The following VAX1 variants were observed in gnomAD, a reference collection of about 807,000 sequenced individuals.
VAX1 encodes ventral anterior homeobox 1.
In VAX1, 6 loss-of-function variants were observed where a neutral mutation model predicts 17.6. The ratio of observed to expected loss-of-function variants is 0.34; its 90% CI spans 0.19 to 0.67. VAX1 has a LOEUF of 0.67. Among genes scored for constraint, VAX1 ranks in the 30% least tolerant of loss-of-function variants. The pLI is 0.69. For missense variants in VAX1, 408 were observed against 463.7 expected (o/e 0.88, Z 1.10); for synonymous variants, 256 against 227.4 (o/e 1.13, Z -1.13).
Position 117,137,755 on chromosome 10 carries a change from C to T in VAX1, c.241+61G>A, listed in dbSNP as rs1156653555. ...CCACCGGCCTGTGTCGGCGGCAGCGCGCAGCTCCGGCCCCGGAGTCGACCC... is the reference window on the plus strand; with the variant it reads ...CCACCGGCCTGTGTCGGCGGCAGCGTGCAGCTCCGGCCCCGGAGTCGACCC... On this transcript the variant is annotated intron_variant, in intron 1 of 2. Transcript: ENST00000369206. The surrounding 1 kb of genome is among the most constrained non-coding windows in gnomAD (Gnocchi z 7.4). The T allele has an allele frequency of 2.4e-5, 39 of 1,604,630 alleles. No individual in the cohort carries two copies. The highest frequency in any genetic ancestry group is 3.2e-5 in the Non-Finnish European group (38 of 1,179,484).
chr10:117,129,177 TG>T (rs1405661744), downstream of VAX1: 1 of 152,272 alleles, frequency 6.6e-6, no homozygotes, highest in Non-Finnish European at 1.5e-5. Flanking sequence ...TGCAGTGTTT[TG>T]GGAGTTTGCC....
Position 117,137,776 on chromosome 10 carries a change from G to A in VAX1, c.241+40C>T. On this transcript the variant is annotated intron_variant, in intron 1 of 2. Transcript: ENST00000369206. This position sits in a 1 kb window ranked among gnomAD's most constrained non-coding sequence, Gnocchi z 7.4. ...AGCGCGCAGCTCCGGCCCCGGAGTC[G>A]ACCCCAAAGAACGCGCCTGGCAGCC... 2 of 1,608,916 alleles carry A rather than the reference G, an allele frequency of 1.2e-6. No individual in the cohort carries two copies. Among genetic ancestry groups the A allele is most frequent in the Non-Finnish European group, 8.5e-7 (1 of 1,179,814 alleles).
In VAX1 at chr10:117,134,735, G is replaced by A. The variant is rs1854149674; in HGVS notation, c.430-152C>T. Among the ~76,000 whole-genome samples the A allele has an allele frequency of 6.6e-6, 1 of 152,050 alleles. No individual in the cohort carries two copies. Among genetic ancestry groups the A allele is most frequent in the Non-Finnish European group, 1.5e-5 (1 of 67,998 alleles). ...CAGCAGCCGGAGGGGTCCGGGCCGG[G>A]GCGCTGCTGGGGGAGCTGGCGCCGC... is the stretch of plus-strand genomic sequence containing the variant. On this transcript the variant is annotated intron_variant, in intron 2 of 2. Coordinates refer to ENST00000369206, the MANE Select transcript of VAX1 (RefSeq NM_001112704.2). This position sits in a 1 kb window ranked among gnomAD's most constrained non-coding sequence, Gnocchi z 6.2.
At chr10:117,131,199 CA>C (rs1854078581), downstream of VAX1, 1 of 153,122 alleles carries the variant, frequency 6.5e-6, no homozygotes, top group Non-Finnish European at 1.5e-5. Flanking sequence ...AGGAGGGAGA[CA>C]GGGGGAACGA....
At position 117,134,386 on chromosome 10, in the gene VAX1, C is replaced by T. The variant is rs1459942469; in HGVS notation, c.627G>A (p.Leu209=). Residue 209 remains leucine (L), a synonymous_variant, in exon 3 of 3, where the codon CTG becomes CTA. Transcript: ENST00000369206. The surrounding 1 kb of genome is among the most constrained non-coding windows in gnomAD (Gnocchi z 6.2). ...CCAGGGCCGGCAAGCTGGGCCCGCGCAGCGCTGAGCCGAGAGCGCCCGTGG... is the reference window on the plus strand; with the variant it reads ...CCAGGGCCGGCAAGCTGGGCCCGCGTAGCGCTGAGCCGAGAGCGCCCGTGG... ...PCATGALGSA[L]RGPSLPALGA... is the part of the protein sequence containing the mutation. 6.6e-6 allele frequency: 9 copies of T among 1,367,716 alleles called. No individual in the cohort carries two copies. The highest frequency in any genetic ancestry group is 8.5e-6 in the Non-Finnish European group (9 of 1,064,164). 84.7% of individuals were successfully genotyped at this position (1,367,716 alleles called of 1,614,324 possible).
chr10:117,135,761 A>G (rs1445271603), intron 2 of VAX1, among the ~76,000 whole-genome samples: 2 of 152,246 alleles, frequency 1.3e-5, no homozygotes, highest in Admixed American at 1.3e-4. Context: ...AAGGGGCATC[A>G]TATGGATTTA....
At chr10:117,131,324 G>A (rs1437764522), downstream of VAX1, 1 of 152,524 alleles carries the variant, frequency 6.6e-6, no homozygotes, top group African/African-American at 2.4e-5. Context: ...GCAAGAGAAA[G>A]TAAGGAGAGG....
chr10:117,137,682 G>A lies in VAX1; in HGVS notation c.241+134C>T, dbSNP rs1854206564. On this transcript the variant is annotated intron_variant, in intron 1 of 2. Transcript: ENST00000369206. The surrounding 1 kb of genome is among the most constrained non-coding windows in gnomAD (Gnocchi z 7.4). ...GCGCTTGTCCCCAGCCGGACTCGGG[G>A]CGGGGAGGGCCAACAACTTTCTCCC... is the stretch of plus-strand genomic sequence containing the variant. 1 of 1,554,280 alleles carries A rather than the reference G, an allele frequency of 6.4e-7. No individual in the cohort carries two copies. Among genetic ancestry groups the A allele is most frequent in the Non-Finnish European group, 8.6e-7 (1 of 1,160,774 alleles).
Position 117,137,565 on chromosome 10 carries a change from G to A in VAX1, c.241+251C>T, listed in dbSNP as rs1186662234. ...CAGCCCGATGCCCGGCCGCACCCGC[G>A]CAGCCCCTCATCTCCCCCCGCAGCC... On this transcript the variant is annotated intron_variant, in intron 1 of 2. Transcript: ENST00000369206. This position sits in a 1 kb window ranked among gnomAD's most constrained non-coding sequence, Gnocchi z 7.4. Among the ~76,000 whole-genome samples, 2 of 152,208 alleles carry A rather than the reference G, an allele frequency of 1.3e-5. No homozygotes were observed. Among genetic ancestry groups the A allele is most frequent in the Admixed American group, 1.3e-4 (2 of 15,290 alleles).
chr10:117,129,577 G>A (rs1397098256), downstream of VAX1: 2 of 152,274 alleles, frequency 1.3e-5, no homozygotes, highest in East Asian at 3.9e-4. Context: ...AAGACACTGT[G>A]TGTCATCATA....
At chr10:117,132,568 C>G, downstream of VAX1, 1 of 1,442,010 alleles carries the variant, frequency 6.9e-7, no homozygotes, top group South Asian at 1.2e-5. The surrounding 1 kb of genome is among the most constrained non-coding windows in gnomAD (Gnocchi z 4.9). Flanking sequence ...GTGTTTTTCG[C>G]TTGCTTCAGA....
rs1169620032 is a variant in VAX1, at chr10:117,133,846, T to G, written c.*162A>C. The G allele has an allele frequency of 7.5e-6, 10 of 1,327,034 alleles. No individual in the cohort carries two copies. The highest frequency in any genetic ancestry group is 2.9e-4 in the Middle Eastern group (1 of 3,508). The allele number at this position is 1,327,034 out of a possible 1,614,324, so 82.2% of individuals were successfully genotyped here. A position where few individuals can be genotyped will look rare whatever the true frequency, so the allele number is the denominator to read the frequency against. The stretch of plus-strand genomic sequence containing the variant: ...TAGTAGAAAAAAAAAATAGCCCGAA[T>G]GAGATGAAATTGGTAGCAGAGTCTA... On this transcript the variant is annotated 3_prime_UTR_variant, in exon 3 of 3. Coordinates refer to ENST00000369206, the MANE Select transcript of VAX1 (RefSeq NM_001112704.2).
In VAX1 at chr10:117,134,127, C is replaced by T. The variant is rs1210672677; in HGVS notation, c.886G>A (p.Ala296Thr). The change falls in exon 3 of 3, where the codon GCT becomes ACT. Residue 296 changes from alanine to threonine, a missense_variant. Physicochemically the swap from Ala to Thr is moderately conservative, Grantham distance 58. This residue lies in a region of VAX1 where 196 missense variants were observed against 218.7 expected (regional missense o/e 0.90). Transcript: ENST00000369206. This position sits in a 1 kb window ranked among gnomAD's most constrained non-coding sequence, Gnocchi z 6.2. ...TGCAAATTCCCAGCTAGCGAACCAG[C>T]CATTGTTAACGGGGCGGAGGACAGG... is the stretch of plus-strand genomic sequence containing the variant. The part of the protein sequence containing the change: ...SRLSSAPLTM[A>T]GSLAGNLQEL... 4 of 1,536,052 alleles carry T rather than the reference C, an allele frequency of 2.6e-6. No individual in the cohort carries two copies. In the African/African-American group the frequency reaches 4.2e-5, roughly 16 times the overall value.
chr10:117,135,187 C>A (rs1226722555), intron 2 of VAX1, among the ~76,000 whole-genome samples: 2 of 152,216 alleles, frequency 1.3e-5, no homozygotes, highest in Non-Finnish European at 2.9e-5. Context: ...CATTAGCTAG[C>A]AGCAAGCAGG....
In VAX1 at chr10:117,136,365, C is replaced by A; in HGVS notation, c.429+107G>T. 7.2e-7 allele frequency: 1 copy of A among 1,386,184 alleles called. No homozygotes were observed. Among genetic ancestry groups the A allele is most frequent in the East Asian group, 2.4e-5 (1 of 41,038 alleles). The allele number at this position is 1,386,184 out of a possible 1,614,324, so 85.9% of individuals were successfully genotyped here. A position where few individuals can be genotyped will look rare whatever the true frequency, so the allele number is the denominator to read the frequency against. On this transcript the variant is annotated intron_variant, in intron 2 of 2. Coordinates refer to ENST00000369206, the MANE Select transcript of VAX1 (RefSeq NM_001112704.2). The surrounding 1 kb of genome is among the most constrained non-coding windows in gnomAD (Gnocchi z 5.0). ...CATCCTTCCCATCTCCTCCACCTCC[C>A]AAGGGTAGTTCTGTCCAGAGCAGGT...
rs1854173512 is a variant in VAX1, at chr10:117,136,092, G to A, written c.429+380C>T. 6.6e-6 allele frequency among the ~76,000 whole-genome samples: 1 copy of A among 152,242 alleles called. No individual in the cohort carries two copies. Among genetic ancestry groups the A allele is most frequent in the Admixed American group, 6.5e-5 (1 of 15,292 alleles). Reference sequence around the variant, plus strand: ...AGCTGGGTGGGCCCACAAGGGGTGGGGCCTAGAAATCTAGCCAAAATGGGG... The same window carrying A: ...AGCTGGGTGGGCCCACAAGGGGTGGAGCCTAGAAATCTAGCCAAAATGGGG... On this transcript the variant is annotated intron_variant, in intron 2 of 2. Coordinates refer to ENST00000369206, the MANE Select transcript of VAX1 (RefSeq NM_001112704.2). This position sits in a 1 kb window ranked among gnomAD's most constrained non-coding sequence, Gnocchi z 5.0.
Position 117,134,457 on chromosome 10 carries a change from G to A in VAX1, c.556C>T (p.Arg186Cys), listed in dbSNP as rs778224173. ...CSVLRLLEQG[R>C]LLSPPGLPAL... Reference sequence around the variant, plus strand: ...GGCAGGCCGGGCGGCGACAACAGGCGGCCCTGCTCCAGCAGCCGTAGCACG... The same window carrying A: ...GGCAGGCCGGGCGGCGACAACAGGCAGCCCTGCTCCAGCAGCCGTAGCACG... Residue 186 changes from arginine to cysteine, a missense_variant, in exon 3 of 3, where the codon CGC (arginine) becomes TGC (cysteine). Physicochemically the swap from Arg to Cys is radical, Grantham distance 180. Coordinates refer to ENST00000369206, the MANE Select transcript of VAX1 (RefSeq NM_001112704.2). The surrounding 1 kb of genome is among the most constrained non-coding windows in gnomAD (Gnocchi z 6.2). 6 of 1,512,486 alleles carry A rather than the reference G, an allele frequency of 4.0e-6. No homozygotes were observed. In the South Asian group the frequency reaches 7.3e-5, roughly 18 times the overall value. 93.7% of individuals were successfully genotyped at this position (1,512,486 alleles called of 1,614,324 possible). A position where few individuals can be genotyped will look rare whatever the true frequency, so the allele number is the denominator to read the frequency against.
rs144427431 is a variant in VAX1, at chr10:117,133,675, T to G, written c.*333A>C. The G allele has an allele frequency of 9.6e-7, 1 of 1,046,116 alleles. No individual in the cohort carries two copies. The highest frequency in any genetic ancestry group is 1.1e-6 in the Non-Finnish European group (1 of 870,416). The allele number at this position is 1,046,116 out of a possible 1,614,324, so 64.8% of individuals were successfully genotyped here. ...GATCTAGAGCAAACGTCCTGTGCTT[T>G]GGAGTTAGAACCAGTCTTTTCCCTC... On this transcript the variant is annotated 3_prime_UTR_variant, in exon 3 of 3. Transcript: ENST00000369206.
At position 117,137,761 on chromosome 10, in the gene VAX1, T is replaced by A. The variant is rs1854208634; in HGVS notation, c.241+55A>T. ...GCCTGTGTCGGCGGCAGCGCGCAGC[T>A]CCGGCCCCGGAGTCGACCCCAAAGA... On this transcript the variant is annotated intron_variant, in intron 1 of 2. Coordinates refer to ENST00000369206, the MANE Select transcript of VAX1 (RefSeq NM_001112704.2). The surrounding 1 kb of genome is among the most constrained non-coding windows in gnomAD (Gnocchi z 7.4). The A allele has an allele frequency of 3.7e-6, 6 of 1,606,150 alleles. No homozygotes were observed. The South Asian group carries it at 6.6e-5, about 18-fold the overall frequency.
Sources: gnomAD v4.1 joint callset for allele counts (sites outside exome capture counted in the v4.1 genomes callset) on GRCh38, gnomAD v4.1.1 for gene constraint, gnomAD v4.1.1 regional missense constraint, Gnocchi (gnomAD v3.1) non-coding constraint, MANE v1.5 for transcripts, NCBI Gene and HGNC (gene_info 2026-07-23, HGNC 2026-07-21) for gene names.